The following CHN2 variants were observed in gnomAD, a reference collection of about 807,000 sequenced individuals.
CHN2 encodes the protein beta-chimaerin.
In CHN2, 35 loss-of-function variants were observed where a neutral mutation model predicts 56.3. The ratio of observed to expected loss-of-function variants is 0.62; its 90% CI spans 0.47 to 0.82. CHN2 has a LOEUF of 0.82. Ranked by LOEUF, CHN2 falls within the 40% of genes least tolerant of loss-of-function variation. The pLI is 0.00. For missense variants in CHN2, 491 were observed against 580.5 expected (o/e 0.85, Z 1.58); for synonymous variants, 210 against 212.8 (o/e 0.99, Z 0.12).
intron 1 of CHN2, among the ~76,000 whole-genome samples, chr7:29,196,751 A>G (rs578140768): frequency 2.1e-3 from 313 of 152,336 alleles, no homozygotes; most frequent in Non-Finnish European, 3.4e-3. Flanking sequence ...GAAAATCCTA[A>G]GTCAGCCTTC....
chr7:29,351,604 A>T (rs1219281215), intron 1 of CHN2, among the ~76,000 whole-genome samples: 2 of 152,206 alleles, frequency 1.3e-5, no homozygotes, highest in Admixed American at 6.5e-5. Flanking sequence ...GCCCTATGCG[A>T]TGGAGCCAGT....
intron 1 of CHN2, among the ~76,000 whole-genome samples, chr7:29,315,080 T>G (rs148622890): frequency 6.6e-6 from 1 of 152,168 alleles, no homozygotes; most frequent in Non-Finnish European, 1.5e-5. Context: ...TGAATTCTTA[T>G]GAAATTATTA....
At chr7:29,442,934 C>CTTTTTTTTTTTCTTTTTTTTTTTTTTTT (rs564931650) in intron 6 of CHN2, among the ~76,000 whole-genome samples, 4 of 103,066 alleles carry the variant, frequency 3.9e-5, no homozygotes, top group East Asian at 2.8e-4. Context: ...CATTGAATTT[C>CTTTTTTTTTTTCTTTTTTTTTTTTTTTT]TTTTTTTTTT....
intron 6 of CHN2, among the ~76,000 whole-genome samples, chr7:29,413,025 G>T (rs1803393006): frequency 6.6e-6 from 1 of 152,172 alleles, no homozygotes; most frequent in Non-Finnish European, 1.5e-5. Context: ...CTCTGGACCA[G>T]GTTGCAGAAC....
intron 1 of CHN2, among the ~76,000 whole-genome samples, chr7:29,206,618 AC>A (rs1784542275): frequency 6.6e-6 from 1 of 152,072 alleles, no homozygotes; most frequent in Non-Finnish European, 1.5e-5. Context: ...TGTACTTGCA[AC>A]AGGAGACTCT....
At chr7:29,277,722 A>G (rs1400314665) in intron 1 of CHN2, among the ~76,000 whole-genome samples, 1 of 152,200 alleles carries the variant, frequency 6.6e-6, no homozygotes, top group Non-Finnish European at 1.5e-5. Context: ...AGCGTCTTCA[A>G]GGCAGTTTCT....
intron 1 of CHN2, among the ~76,000 whole-genome samples, chr7:29,249,780 A>G (rs2128817628): frequency 6.6e-6 from 1 of 152,380 alleles, no homozygotes. Flanking sequence ...AAAAAGACAG[A>G]TATTACATTT....
intron 6 of CHN2, among the ~76,000 whole-genome samples, chr7:29,474,740 A>G (rs1327582242): frequency 6.6e-6 from 1 of 152,228 alleles, no homozygotes; most frequent in African/African-American, 2.4e-5. Context: ...AGGACCAATG[A>G]TGACATTTTC....
intron 6 of CHN2, chr7:29,479,797 C>A (rs1431272921): frequency 8.2e-7 from 1 of 1,224,400 alleles, no homozygotes; most frequent in Non-Finnish European, 1.0e-6. Context: ...GGCTGCCGGC[C>A]CCTGCCTCCC....
intron 6 of CHN2, among the ~76,000 whole-genome samples, chr7:29,473,529 C>T (rs535961576): frequency 3.2e-4 from 43 of 135,662 alleles, no homozygotes; most frequent in South Asian, 9.2e-4. Flanking sequence ...GGCAAGGCTG[C>T]GACCCACAGG....
At chr7:29,335,729 T>C (rs1796563089) in intron 1 of CHN2, 1 of 152,228 alleles carries the variant, frequency 6.6e-6, no homozygotes, top group African/African-American at 2.4e-5. Flanking sequence ...TGTGCCTGAC[T>C]AGTCCTGTCA....
chr7:29,324,225 T>C (rs544550041), intron 1 of CHN2, among the ~76,000 whole-genome samples: 1 of 152,180 alleles, frequency 6.6e-6, no homozygotes. Context: ...GCAGGAGTAG[T>C]TGAAGTTGCG....
At chr7:29,368,490 G>A (rs1585178389) in intron 3 of CHN2, among the ~76,000 whole-genome samples, 1 of 152,166 alleles carries the variant, frequency 6.6e-6, no homozygotes, top group South Asian at 2.1e-4. Context: ...TCAGTTCTCT[G>A]ATTGTGTGGG....
intron 1 of CHN2, among the ~76,000 whole-genome samples, chr7:29,239,525 C>T (rs1026675207): frequency 6.6e-6 from 1 of 152,144 alleles, no homozygotes; most frequent in Non-Finnish European, 1.5e-5. Flanking sequence ...CCTCAACAAG[C>T]CATCCACTCT....
intron 6 of CHN2, among the ~76,000 whole-genome samples, chr7:29,446,294 C>A (rs1326442866): frequency 6.6e-6 from 1 of 152,126 alleles, no homozygotes; most frequent in Non-Finnish European, 1.5e-5. Context: ...AAAAAACAAA[C>A]AAAAGAACAG....
chr7:29,160,738 C>T (rs145086579), intron 2 of CHN2, among the ~76,000 whole-genome samples: 6 of 152,260 alleles, frequency 3.9e-5, no homozygotes, highest in Non-Finnish European at 7.3e-5. Flanking sequence ...TGCACTGAGG[C>T]AGAGAGGAAG....
intron 9 of CHN2, among the ~76,000 whole-genome samples, chr7:29,504,256 T>C (rs1336181958): frequency 6.6e-6 from 1 of 152,188 alleles, no homozygotes; most frequent in East Asian, 1.9e-4. Flanking sequence ...AAGATGATGC[T>C]AGGTACCCCA....
chr7:29,213,431 A>G (rs1785109652), intron 1 of CHN2, among the ~76,000 whole-genome samples: 1 of 152,176 alleles, frequency 6.6e-6, no homozygotes, highest in Non-Finnish European at 1.5e-5. Context: ...TTCCGGAGAA[A>G]AGACGTTTTA....
At chr7:29,322,726 G>A (rs1032387658) in intron 1 of CHN2, among the ~76,000 whole-genome samples, 3 of 152,150 alleles carry the variant, frequency 2.0e-5, no homozygotes, top group African/African-American at 7.2e-5. Flanking sequence ...ATATAGTCAG[G>A]TCAACACTAT....
Sources: allele counts gnomAD v4.1 joint callset (sites outside exome capture counted in the v4.1 genomes callset), GRCh38; gene constraint gnomAD v4.1.1; transcripts MANE v1.5; gene names NCBI Gene and HGNC (gene_info 2026-07-23, HGNC 2026-07-21).